ERCC3: variants seen among roughly 807,000 people sequenced by gnomAD.
ERCC3 encodes the protein general transcription and DNA repair factor IIH helicase/translocase subunit XPB.
In ERCC3, 66 loss-of-function variants were observed where a neutral mutation model predicts 94.2. That is an observed-to-expected ratio of 0.70 (90% CI 0.57 to 0.86). The LOEUF is 0.86. Ranked by LOEUF, ERCC3 falls within the 40% of genes least tolerant of loss-of-function variation. ERCC3 has a pLI of 0.00. For synonymous variants in ERCC3, 349 were observed against 369.1 expected (o/e 0.95, Z 0.63); for missense variants, 829 against 987.1 (o/e 0.84, Z 2.15).
intron 12 of ERCC3, chr2:127,261,598 T>A: frequency 2.1e-6 from 1 of 485,970 alleles, no homozygotes; most frequent in Non-Finnish European, 3.8e-6. Flanking sequence ...GGGATTTGTA[T>A]CTAGGTTATA....
intron 10 of ERCC3, among the ~76,000 whole-genome samples, chr2:127,275,617 C>G (rs1207111719): frequency 6.6e-6 from 1 of 152,000 alleles, no homozygotes; most frequent in Non-Finnish European, 1.5e-5. Context: ...GAGTGAGGCT[C>G]CAGAAGACTG....
Position 127,259,471 on chromosome 2 carries a change from C to T in ERCC3, c.2065-23G>A. ...CACCTGCAAAGCCCAAGCCAGCAGACATGCCCCTTTCTGCTCTCTCTCCCC... is the reference window on the plus strand; with the variant it reads ...CACCTGCAAAGCCCAAGCCAGCAGATATGCCCCTTTCTGCTCTCTCTCCCC... On this transcript the variant is annotated intron_variant, in intron 13 of 14. Transcript: ENST00000285398. This position sits in a 1 kb window ranked among gnomAD's most constrained non-coding sequence, Gnocchi z 4.9. The T allele has an allele frequency of 2.5e-6, 4 of 1,613,912 alleles. No individual in the cohort carries two copies. The highest frequency in any genetic ancestry group is 3.4e-6 in the Non-Finnish European group (4 of 1,179,998).
Position 127,293,503 on chromosome 2 carries a change from G to T in ERCC3, c.234+10C>A. ...CTCCTGGGCCCTGCCCAAGCTAAGG[G>T]CATGCTTACCACCCAGAGGGGCCTG... is the stretch of plus-strand genomic sequence containing the variant. On this transcript the variant is annotated intron_variant, in intron 2 of 14. Coordinates refer to ENST00000285398, the MANE Select transcript of ERCC3 (RefSeq NM_000122.2). The T allele has an allele frequency of 6.2e-7, 1 of 1,613,278 alleles. No individual in the cohort carries two copies. The highest frequency in any genetic ancestry group is 8.5e-7 in the Non-Finnish European group (1 of 1,179,428).
At position 127,288,966 on chromosome 2, in the gene ERCC3, A is replaced by C. The variant is rs955076541; in HGVS notation, c.823-102T>G. On this transcript the variant is annotated intron_variant, in intron 6 of 14. Transcript: ENST00000285398. ...TGGTCAAAAAAGTGGCATTCTATCT[A>C]AACTTCTACAAGATTTTAGATCTTG... 1.0e-4 allele frequency: 102 copies of C among 1,014,864 alleles called. 1 individual carries two copies. In the Admixed American group the frequency reaches 1.7e-3, roughly 17 times the overall value. 62.9% of individuals were successfully genotyped at this position (1,014,864 alleles called of 1,614,324 possible).
chr2:127,264,494 CTA>C lies in ERCC3; in HGVS notation c.1946-3150_1946-3149del. ...AAAAACAAAAAACCTTTTTCTGTGT[CTA>C]TTAGGATAATTATATGCTTTTCATT... is the stretch of plus-strand genomic sequence containing the variant. On this transcript the variant is annotated intron_variant, in intron 12 of 14. Coordinates refer to ENST00000285398, the MANE Select transcript of ERCC3 (RefSeq NM_000122.2). The surrounding 1 kb of genome is among the most constrained non-coding windows in gnomAD (Gnocchi z 4.4). Among the ~76,000 whole-genome samples the C allele has an allele frequency of 6.6e-6, 1 of 152,268 alleles. No individual in the cohort carries two copies. The highest frequency in any genetic ancestry group is 2.4e-5 in the African/African-American group (1 of 41,562).
rs1443892496 is a variant in ERCC3 at position 127,277,310 on chromosome 2, A to C, written c.1730+1863T>G. Among the ~76,000 whole-genome samples, 1 of 152,216 alleles carries C rather than the reference A, an allele frequency of 6.6e-6. No individual in the cohort carries two copies. Among genetic ancestry groups the C allele is most frequent in the Non-Finnish European group, 1.5e-5 (1 of 68,040 alleles). On this transcript the variant is annotated intron_variant, in intron 10 of 14. Transcript: ENST00000285398. The surrounding 1 kb of genome is among the most constrained non-coding windows in gnomAD (Gnocchi z 5.1). ...GTTTATGGTTATGTGAAGACTTTGG[A>C]GGGGAATAATTATTCAATGCACAGA...
At position 127,272,974 on chromosome 2, in the gene ERCC3, G is replaced by A; in HGVS notation, c.1731-13C>T. 6.5e-7 allele frequency: 1 copy of A among 1,531,326 alleles called. No homozygotes were observed. The highest frequency in any genetic ancestry group is 1.1e-5 in the South Asian group (1 of 89,406). 94.9% of individuals were successfully genotyped at this position (1,531,326 alleles called of 1,614,324 possible). On this transcript the variant is annotated splice_polypyrimidine_tract_variant and intron_variant, in intron 10 of 14. Coordinates refer to ENST00000285398, the MANE Select transcript of ERCC3 (RefSeq NM_000122.2). ...GTAGATATAGGGTCTAGAGAAGAAT[G>A]AAGCTGTGTTAGACCACAGAATAAT... is the stretch of plus-strand genomic sequence containing the variant.
At chr2:127,267,080 G>A (rs527253213) in intron 12 of ERCC3, among the ~76,000 whole-genome samples, 13 of 152,302 alleles carry the variant, frequency 8.5e-5, no homozygotes, top group Non-Finnish European at 1.6e-4. Flanking sequence ...TGGTTGTTGC[G>A]TAGAGAATTA....
chr2:127,278,796 C>T (rs1684814542), intron 10 of ERCC3, among the ~76,000 whole-genome samples: 1 of 152,244 alleles, frequency 6.6e-6, no homozygotes, highest in African/African-American at 2.4e-5. Flanking sequence ...ATCTTGCCTT[C>T]CCAGCCCCTA....
rs1242323103 is a variant in ERCC3 at position 127,291,102 on chromosome 2, T to A, written c.472-829A>T. Reference sequence around the variant, plus strand: ...GTCTCAAAAAAAAAGAAAAAAAAAATTTGCCAGTCAGACTTTGAGGGGCTG... The same window carrying A: ...GTCTCAAAAAAAAAGAAAAAAAAAAATTGCCAGTCAGACTTTGAGGGGCTG... On this transcript the variant is annotated intron_variant, in intron 3 of 14. Transcript: ENST00000285398. This position sits in a 1 kb window ranked among gnomAD's most constrained non-coding sequence, Gnocchi z 4.9. Among the ~76,000 whole-genome samples, 1 of 151,570 alleles carries A rather than the reference T, an allele frequency of 6.6e-6. No homozygotes were observed. Among genetic ancestry groups the A allele is most frequent in the East Asian group, 1.9e-4 (1 of 5,154 alleles).
chr2:127,261,077 T>C, intron 13 of ERCC3, 151 bp downstream of exon 13: 1 of 695,938 alleles, frequency 1.4e-6, no homozygotes, highest in Non-Finnish European at 2.7e-6. Context: ...CCCTCAGAGA[T>C]TCATGCAGAG....
Position 127,289,794 on chromosome 2 carries a change from T to G in ERCC3, c.552A>C (p.Val184=), listed in dbSNP as rs1685203626. 6.2e-7 allele frequency: 1 copy of G among 1,614,022 alleles called. No homozygotes were observed. The highest frequency in any genetic ancestry group is 1.3e-5 in the African/African-American group (1 of 74,892). The change falls in exon 5 of 15, where the codon GTA becomes GTC. Residue 184 remains valine, a synonymous_variant. Transcript: ENST00000285398. ...CGGGGTCCTGGAGAAGATGCTGGAT[T>G]ACATCAGGGTGGCAACTTTCAACGA... ...RYFVESCHPD[V]IQHLLQDPVI... is the part of the protein sequence containing the mutation.
Position 127,279,085 on chromosome 2 carries a change from A to C in ERCC3, c.1730+88T>G, listed in dbSNP as rs1684826174. 1 of 900,938 alleles carries C rather than the reference A, an allele frequency of 1.1e-6. No individual in the cohort carries two copies. Among genetic ancestry groups the C allele is most frequent in the East Asian group, 2.6e-5 (1 of 38,864 alleles). 55.8% of individuals were successfully genotyped at this position (900,938 alleles called of 1,614,324 possible). Reference sequence around the variant, plus strand: ...AGCCCAAGAAGTTCCTGAGAGAAAAACAAAAAAACAAAACAACAGCCACCT... The same window carrying C: ...AGCCCAAGAAGTTCCTGAGAGAAAACCAAAAAAACAAAACAACAGCCACCT... On this transcript the variant is annotated intron_variant, in intron 10 of 14. Transcript: ENST00000285398. The surrounding 1 kb of genome is among the most constrained non-coding windows in gnomAD (Gnocchi z 4.7).
chr2:127,278,231 C>A, intron 10 of ERCC3, among the ~76,000 whole-genome samples: 2 of 116,640 alleles, frequency 1.7e-5, no homozygotes, highest in African/African-American at 3.1e-5. Context: ...CAGTGACACC[C>A]TAACTCCAAA....
intron 7 of ERCC3, among the ~76,000 whole-genome samples, chr2:127,288,026 GA>G (rs1162927066): frequency 6.6e-6 from 1 of 152,064 alleles, no homozygotes; most frequent in East Asian, 1.9e-4. Context: ...TGGAGTTTTG[GA>G]AAAAAAGAAC....
Position 127,258,804 on chromosome 2 carries a change from T to C in ERCC3, c.2217+492A>G, listed in dbSNP as rs2104727758. Among the ~76,000 whole-genome samples, 1 of 152,332 alleles carries C rather than the reference T, an allele frequency of 6.6e-6. No individual in the cohort carries two copies. Among genetic ancestry groups the C allele is most frequent in the South Asian group, 2.1e-4 (1 of 4,822 alleles). On this transcript the variant is annotated intron_variant, in intron 14 of 14. Coordinates refer to ENST00000285398, the MANE Select transcript of ERCC3 (RefSeq NM_000122.2). This position sits in a 1 kb window ranked among gnomAD's most constrained non-coding sequence, Gnocchi z 4.1. ...AAGGTTGAGTATTTTCACAGAACTC[T>C]ACATTTTTCAAAGTTAAGTATCGAA...
Position 127,288,683 on chromosome 2 carries a change from G to A in ERCC3, c.1004C>T (p.Ser335Leu), listed in dbSNP as rs142333442. ...ACCGCAGGGAAGAACAATGACCCCC[G>A]AACGTGCACGCCCGTTTCCAAACAT... ...RKMFGNGRAR[S>L]GVIVLPCGAG... Residue 335 changes from serine (S) to leucine (L), a missense_variant, in exon 7 of 15, where the codon TCG becomes TTG. Coordinates refer to ENST00000285398, the MANE Select transcript of ERCC3 (RefSeq NM_000122.2). 52 of 1,614,082 alleles carry A rather than the reference G, an allele frequency of 3.2e-5. No homozygotes were observed. The African/African-American group carries it at 5.7e-4, about 18-fold the overall frequency.
chr2:127,287,589 G>A (rs2104772678), intron 7 of ERCC3, among the ~76,000 whole-genome samples: 1 of 152,182 alleles, frequency 6.6e-6, no homozygotes, highest in Admixed American at 6.5e-5. Context: ...AGCCAAGATG[G>A]CGCCACTACA....
chr2:127,275,522 G>A (rs1370272153), intron 10 of ERCC3, among the ~76,000 whole-genome samples: 8 of 152,238 alleles, frequency 5.3e-5, no homozygotes, highest in East Asian at 3.9e-4. Context: ...GCAAATTAAC[G>A]TCCCTGCCCA....
Sources: gnomAD v4.1 joint callset for allele counts (sites outside exome capture counted in the v4.1 genomes callset) on GRCh38, gnomAD v4.1.1 for gene constraint, Gnocchi (gnomAD v3.1) non-coding constraint, MANE v1.5 for transcripts, NCBI Gene and HGNC (gene_info 2026-07-23, HGNC 2026-07-21) for gene names.